SERPINE2: variants seen among roughly 807,000 people sequenced by gnomAD.
SERPINE2 encodes the protein glia-derived nexin.
In SERPINE2, 14 loss-of-function variants were observed where a neutral mutation model predicts 36.3. That is an observed-to-expected ratio of 0.39 (90% CI 0.25 to 0.60). The LOEUF (loss-of-function observed/expected upper bound fraction) is 0.60, where lower values mean the gene tolerates loss of function less well. Ranked by LOEUF, SERPINE2 falls within the 20% of genes least tolerant of loss-of-function variation. The pLI, the probability that SERPINE2 is intolerant of heterozygous loss-of-function variation, is 0.57. For missense variants in SERPINE2, 418 were observed against 499.6 expected, an observed-to-expected ratio of 0.84 and a Z score of 1.56; for synonymous variants, 192 against 191.8, an observed-to-expected ratio of 1.00 and a Z score of -0.01.
At chr2:224,037,533 A>G (rs1020472244) in intron 1 of SERPINE2, among the ~76,000 whole-genome samples, 2 of 152,222 alleles carry the variant, frequency 1.3e-5, no homozygotes, top group African/African-American at 2.4e-5. Flanking sequence ...CGTCCCCCAC[A>G]TGGACTTTAG....
chr2:224,027,068 T>G (rs1464714857), intron 1 of SERPINE2, among the ~76,000 whole-genome samples: 2 of 152,196 alleles, frequency 1.3e-5, no homozygotes, highest in African/African-American at 4.8e-5. Flanking sequence ...TAGACACTGG[T>G]GTTTACCAGC....
intron 1 of SERPINE2, among the ~76,000 whole-genome samples, chr2:224,029,784 C>T (rs867974690): frequency 1.3e-5 from 2 of 152,198 alleles, no homozygotes; most frequent in African/African-American, 4.8e-5. Flanking sequence ...CTGCAACTTC[C>T]GCCTCCGGGG....
At chr2:224,015,069 G>A (rs758238901) in intron 1 of SERPINE2, among the ~76,000 whole-genome samples, 20 of 151,744 alleles carry the variant, frequency 1.3e-4, no homozygotes, top group Non-Finnish European at 2.2e-4. Context: ...GGGTGGTGCC[G>A]TGGCATCTGC....
chr2:224,028,841 G>A (rs1692270557), intron 1 of SERPINE2, among the ~76,000 whole-genome samples: 1 of 152,166 alleles, frequency 6.6e-6, no homozygotes, highest in South Asian at 2.1e-4. Flanking sequence ...CCACTTGCAG[G>A]TTCCTAACAG....
Position 224,028,056 on chromosome 2 carries a change from G to T in SERPINE2, c.-23+11043C>A, listed in dbSNP as rs560986233. 5.3e-5 allele frequency among the ~76,000 whole-genome samples: 8 copies of T among 152,316 alleles called. No individual in the cohort carries two copies. In the East Asian group the frequency reaches 1.4e-3, roughly 26 times the overall value. On this transcript the variant is annotated intron_variant, in intron 1 of 8. Transcript: ENST00000409304. Reference sequence around the variant, plus strand: ...ATCAGCCATGGGACTCTAGGATCGGGTTGTAAGAGCCACCAAGTTATGTGG... The same window carrying T: ...ATCAGCCATGGGACTCTAGGATCGGTTTGTAAGAGCCACCAAGTTATGTGG...
At chr2:223,988,138 C>G (rs564170957) in intron 4 of SERPINE2, among the ~76,000 whole-genome samples, 1 of 152,160 alleles carries the variant, frequency 6.6e-6, no homozygotes, top group Admixed American at 6.5e-5. Flanking sequence ...TGCTAAGGAA[C>G]GATGGGTTGA....
intron 4 of SERPINE2, 128 bp from the exon 5 acceptor site, chr2:223,985,078 T>C: frequency 1.4e-6 from 1 of 709,806 alleles, no homozygotes; most frequent in South Asian, 1.8e-5. Flanking sequence ...CACAAATAGC[T>C]TCCTTAGAAG....
intron 1 of SERPINE2, among the ~76,000 whole-genome samples, chr2:224,003,067 T>C (rs758702882): frequency 4.0e-5 from 6 of 151,796 alleles, no homozygotes; most frequent in Admixed American, 6.6e-5. Context: ...GGTCATTAGA[T>C]AGGGTGATCA....
chr2:224,027,650 C>T (rs916858868), intron 1 of SERPINE2, among the ~76,000 whole-genome samples: 3 of 152,104 alleles, frequency 2.0e-5, no homozygotes, highest in Non-Finnish European at 2.9e-5. Context: ...TTTTTGCTTT[C>T]AGATCCTCTA....
intron 4 of SERPINE2, among the ~76,000 whole-genome samples, chr2:223,991,572 T>C (rs1451555813): frequency 2.0e-5 from 3 of 152,254 alleles, no homozygotes; most frequent in Non-Finnish European, 4.4e-5. Flanking sequence ...TTAATACTTT[T>C]TGTACATAAC....
At chr2:224,030,952 C>A in intron 1 of SERPINE2, 7 of 985,392 alleles carry the variant, frequency 7.1e-6, no homozygotes, top group Non-Finnish European at 8.4e-6. Context: ...GGGCCAAAGG[C>A]ATAAAACCAT....
Position 224,001,932 on chromosome 2 carries a change from T to A in SERPINE2, c.-22-10A>T. ...TTCCACCAAGGACGACCTGGAAAAGTAAGTTAAAAAATATTTAAATTATAC... is the reference window on the plus strand; with the variant it reads ...TTCCACCAAGGACGACCTGGAAAAGAAAGTTAAAAAATATTTAAATTATAC... On this transcript the variant is annotated splice_polypyrimidine_tract_variant and intron_variant, in intron 1 of 8. Transcript: ENST00000409304. The A allele has an allele frequency of 1.3e-6, 2 of 1,593,866 alleles. No homozygotes were observed. The highest frequency in any genetic ancestry group is 3.5e-5 in the Admixed American group (2 of 56,996).
chr2:224,015,917 G>C (rs1217018068), intron 1 of SERPINE2, among the ~76,000 whole-genome samples: 1 of 152,036 alleles, frequency 6.6e-6, no homozygotes. Flanking sequence ...AGACTACACA[G>C]AAAACTCTTA....
At position 224,001,649 on chromosome 2, in the gene SERPINE2, G is replaced by A. The variant is rs746693160; in HGVS notation, c.252C>T (p.Gly84=). The stretch of plus-strand genomic sequence containing the variant: ...GCAATTGTGCACACGCACCATTTAC[G>A]CCGTATCTCATCACCATGGCGAGCT... ...KKQLAMVMRY[G]VNGVGKILKK... Residue 84 remains glycine (G), a synonymous_variant, in exon 2 of 9, where the codon GGC becomes GGT. Transcript: ENST00000409304. 3.1e-6 allele frequency: 5 copies of A among 1,613,452 alleles called. No individual in the cohort carries two copies. The highest frequency in any genetic ancestry group is 2.2e-5 in the South Asian group (2 of 91,076).
chr2:224,028,189 G>A (rs571309222), intron 1 of SERPINE2, among the ~76,000 whole-genome samples: 5 of 152,294 alleles, frequency 3.3e-5, no homozygotes, highest in African/African-American at 4.8e-5. Context: ...AGTCAAAGAC[G>A]TGAATTCTCA....
At chr2:223,993,552 G>A (rs966674041) in intron 3 of SERPINE2, among the ~76,000 whole-genome samples, 2 of 150,778 alleles carry the variant, frequency 1.3e-5, no homozygotes, top group Non-Finnish European at 3.0e-5. Context: ...GTGTGTGTGT[G>A]TGTGTGTATG....
intron 1 of SERPINE2, among the ~76,000 whole-genome samples, chr2:224,014,443 C>T (rs539207809): frequency 6.6e-6 from 1 of 152,280 alleles, no homozygotes; most frequent in South Asian, 2.1e-4. Flanking sequence ...TCAATGCAGT[C>T]ATTGCATTGA....
Position 223,977,625 on chromosome 2 carries a change from C to A in SERPINE2, c.1075G>T (p.Ala359Ser). 6.2e-7 allele frequency: 1 copy of A among 1,609,994 alleles called. No individual in the cohort carries two copies. Among genetic ancestry groups the A allele is most frequent in the Non-Finnish European group, 8.5e-7 (1 of 1,176,314 alleles). ...GGCGATGATCTTGCAATGAGAATTG[C>A]AGCTACGGGAAGAAAAGGAAAATGT... is the stretch of plus-strand genomic sequence containing the variant. ...DGTKASAATT[A>S]ILIARSSPPW... The change falls in exon 8 of 9, where the codon GCA (alanine) becomes TCA (serine). Residue 359 changes from alanine (A) to serine (S), a missense_variant and splice_region_variant. Physicochemically the swap from Ala to Ser is moderately conservative, Grantham distance 99. Transcript: ENST00000409304.
rs11394673 is a variant in SERPINE2, at chr2:224,033,662, C to CAA, written c.-23+5435_-23+5436dup. Among the ~76,000 whole-genome samples the CAA allele has an allele frequency of 2.4e-3, 309 of 126,534 alleles. 2 individuals carry two copies. Among genetic ancestry groups the CAA allele is most frequent in the Middle Eastern group, 0.013 (3 of 238 alleles). 83.0% of individuals were successfully genotyped at this position (126,534 alleles called of 152,430 possible). A position where few individuals can be genotyped will look rare whatever the true frequency, so the allele number is the denominator to read the frequency against. On this transcript the variant is annotated intron_variant, in intron 1 of 8. Transcript: ENST00000409304. ...GATACCAGCCAAAAAAGTTCCATGG[C>CAA]AAAAAAAAAAAAAAAGTCACCAAGA... is the stretch of plus-strand genomic sequence containing the variant.
Sources: allele counts gnomAD v4.1 joint callset (sites outside exome capture counted in the v4.1 genomes callset), GRCh38; gene constraint gnomAD v4.1.1; transcripts MANE v1.5; gene names NCBI Gene and HGNC (gene_info 2026-07-23, HGNC 2026-07-21).